SUPT3H: variants seen among roughly 807,000 people sequenced by gnomAD.
SUPT3H encodes transcription initiation protein SPT3 homolog.
In SUPT3H, 44 loss-of-function variants were observed where a neutral mutation model predicts 44.3. That is an observed-to-expected ratio of 0.99 (90% CI 0.78 to 1.28). The LOEUF (loss-of-function observed/expected upper bound fraction) is 1.28, where lower values mean the gene tolerates loss of function less well. Ranked by LOEUF, SUPT3H falls within the 50% of genes most tolerant of loss-of-function variation. The pLI, the probability that SUPT3H is intolerant of heterozygous loss-of-function variation, is 0.00. For synonymous variants in SUPT3H, 124 were observed against 125.6 expected (o/e 0.99, Z 0.09); for missense variants, 380 against 387.1 (o/e 0.98, Z 0.15).
intron 2 of SUPT3H, among the ~76,000 whole-genome samples, chr6:45,121,177 A>G (rs1014345968): frequency 2.0e-5 from 3 of 152,214 alleles, no homozygotes; most frequent in African/African-American, 7.2e-5. Flanking sequence ...AACTCTCCAC[A>G]ACCAGGATCT....
intron 2 of SUPT3H, among the ~76,000 whole-genome samples, chr6:45,308,337 G>T (rs1783419883): frequency 6.6e-6 from 1 of 152,122 alleles, no homozygotes; most frequent in South Asian, 2.1e-4. Flanking sequence ...AATGTTAAGG[G>T]CAGCCAGAGA....
chr6:45,300,930 A>G (rs1035828654), intron 2 of SUPT3H, among the ~76,000 whole-genome samples: 5 of 152,200 alleles, frequency 3.3e-5, no homozygotes, highest in Admixed American at 3.3e-4. Flanking sequence ...GCTAAAGACT[A>G]GCCTCAACCT....
rs1218832639 is a variant in SUPT3H at position 44,812,552 on chromosome 6, TTATTTCCCTTTTGCTATGTG to T, written c.*53-3071_*53-3052del. On this transcript the variant is annotated intron_variant and NMD_transcript_variant, in intron 11 of 11. Transcript: ENST00000475057. Reference sequence around the variant, plus strand: ...AGCAACCTTCATGCCATCTGCAACCTTATTTCCCTTTTGCTATGTGATGTAACATATTCACAGGTTCTGAG... The same window carrying T: ...AGCAACCTTCATGCCATCTGCAACCTATGTAACATATTCACAGGTTCTGAG... Among the ~76,000 whole-genome samples the T allele has an allele frequency of 2.4e-4, 37 of 152,342 alleles. No individual in the cohort carries two copies. The South Asian group carries it at 7.7e-3, about 32-fold the overall frequency.
At chr6:45,023,955 G>A (rs1416316165) in intron 3 of SUPT3H, among the ~76,000 whole-genome samples, 1 of 152,074 alleles carries the variant, frequency 6.6e-6, no homozygotes, top group Non-Finnish European at 1.5e-5. Flanking sequence ...GAGCAACTGG[G>A]CAGTCCAATT....
In SUPT3H at chr6:45,126,984, T is replaced by C. The variant is rs574848083; in HGVS notation, c.102-20978A>G. Among the ~76,000 whole-genome samples the C allele has an allele frequency of 2.6e-5, 4 of 152,294 alleles. No individual in the cohort carries two copies. The South Asian group carries it at 8.3e-4, about 32-fold the overall frequency. ...TCCACTGTGTACCTGACTTGAATAA[T>C]GCTGTTTTCCCTCCAAAACCAATAT... On this transcript the variant is annotated intron_variant, in intron 2 of 10. Transcript: ENST00000371459.
At chr6:45,148,615 A>C (rs1806461974) in intron 2 of SUPT3H, among the ~76,000 whole-genome samples, 1 of 152,184 alleles carries the variant, frequency 6.6e-6, no homozygotes, top group Non-Finnish European at 1.5e-5. Context: ...ATTCAGATCT[A>C]GTACTACAAC....
chr6:45,263,019 A>C (rs1380777701), intron 2 of SUPT3H, among the ~76,000 whole-genome samples: 1 of 152,194 alleles, frequency 6.6e-6, no homozygotes, highest in African/African-American at 2.4e-5. Context: ...GAAAAAAAGA[A>C]AGCTTACACA....
chr6:45,201,238 T>C (rs1005790003), intron 2 of SUPT3H, among the ~76,000 whole-genome samples: 2 of 151,708 alleles, frequency 1.3e-5, no homozygotes, highest in Admixed American at 6.6e-5. Context: ...TAAAGTTCAG[T>C]GTAATCCTAG....
At chr6:44,953,792 T>C (rs1774684116) in intron 8 of SUPT3H, among the ~76,000 whole-genome samples, 2 of 152,112 alleles carry the variant, frequency 1.3e-5, no homozygotes, top group Admixed American at 1.3e-4. Flanking sequence ...AGTGCAATGG[T>C]GCGACCTCAG....
In SUPT3H at chr6:45,328,863, G is replaced by T. The variant is rs919364083; in HGVS notation, c.101+36338C>A. Reference sequence around the variant, plus strand: ...GGTATGATTCTTTGATAAACTGCTAGCTTTTCCAAATAGCATATTAAAGAT... The same window carrying T: ...GGTATGATTCTTTGATAAACTGCTATCTTTTCCAAATAGCATATTAAAGAT... On this transcript the variant is annotated intron_variant, in intron 2 of 10. Transcript: ENST00000371459. 9 of 1,435,170 alleles carry T rather than the reference G, an allele frequency of 6.3e-6. No homozygotes were observed. In the African/African-American group the frequency reaches 1.3e-4, roughly 20 times the overall value. 88.9% of individuals were successfully genotyped at this position (1,435,170 alleles called of 1,614,324 possible). A position where few individuals can be genotyped will look rare whatever the true frequency, so the allele number is the denominator to read the frequency against.
chr6:45,219,909 C>T (rs954842879), intron 2 of SUPT3H, among the ~76,000 whole-genome samples: 1 of 151,386 alleles, frequency 6.6e-6, no homozygotes, highest in Admixed American at 6.6e-5. Context: ...TGTGGTGGCA[C>T]GTGCCCGTAG....
intron 4 of SUPT3H, 74 bp downstream of exon 4, chr6:45,020,470 AGG>A: frequency 9.3e-7 from 1 of 1,072,156 alleles, no homozygotes; most frequent in Non-Finnish European, 1.4e-6. Flanking sequence ...GTACATAACA[AGG>A]ATATATAGTT....
intron 10 of SUPT3H, among the ~76,000 whole-genome samples, chr6:44,882,062 C>T (rs1561950884): frequency 6.6e-6 from 1 of 152,074 alleles, no homozygotes; most frequent in East Asian, 1.9e-4. Context: ...GAGACAGAGA[C>T]ACGAAAAACC....
At chr6:45,015,384 A>C (rs901409663) in intron 4 of SUPT3H, among the ~76,000 whole-genome samples, 7 of 152,248 alleles carry the variant, frequency 4.6e-5, no homozygotes, top group African/African-American at 1.4e-4. Context: ...ACAAAAAATG[A>C]TACATTTGTA....
intron 2 of SUPT3H, among the ~76,000 whole-genome samples, chr6:45,165,210 T>C (rs1273133160): frequency 6.6e-6 from 1 of 152,122 alleles, no homozygotes; most frequent in Admixed American, 6.6e-5. Context: ...CTAAAAGAGC[T>C]GGAACACTGA....
chr6:45,257,137 T>A (rs1482888988), intron 2 of SUPT3H, among the ~76,000 whole-genome samples: 1 of 152,232 alleles, frequency 6.6e-6, no homozygotes, highest in Non-Finnish European at 1.5e-5. Flanking sequence ...CTAGCGAGTG[T>A]GAAGTGGTAT....
At chr6:45,142,961 CA>C (rs1365842023) in intron 2 of SUPT3H, among the ~76,000 whole-genome samples, 2 of 151,280 alleles carry the variant, frequency 1.3e-5, no homozygotes, top group East Asian at 3.9e-4. Context: ...AAAAAAAAGA[CA>C]AAGAGGGACA....
chr6:44,944,276 A>G (rs1352568519), intron 9 of SUPT3H, among the ~76,000 whole-genome samples: 1 of 152,180 alleles, frequency 6.6e-6, no homozygotes, highest in African/African-American at 2.4e-5. Flanking sequence ...ATGCAAAAAG[A>G]TATCATAAAG....
At chr6:45,037,263 T>C (rs892421105) in intron 3 of SUPT3H, among the ~76,000 whole-genome samples, 1 of 149,836 alleles carries the variant, frequency 6.7e-6, no homozygotes, top group Non-Finnish European at 1.5e-5. Context: ...GTGGCTGCAG[T>C]GGAAGGGGGT....
Sources: gnomAD v4.1 joint callset for allele counts (sites outside exome capture counted in the v4.1 genomes callset) on GRCh38, gnomAD v4.1.1 for gene constraint, MANE v1.5 for transcripts, NCBI Gene and HGNC (gene_info 2026-07-23, HGNC 2026-07-21) for gene names.